The following MGAT4D variants were observed in gnomAD, a reference collection of about 807,000 sequenced individuals.
MGAT4D encodes alpha-1,3-mannosyl-glycoprotein 4-beta-N-acetylglucosaminyltransferase-like protein MGAT4D.
Under a neutral mutation model 15.9 loss-of-function variants are expected in MGAT4D, and 34 were observed. The observed-to-expected ratio is 2.14, with a 90% CI of 1.62 to 2.84. The LOEUF (loss-of-function observed/expected upper bound fraction) is 2.84. Ranked by LOEUF, MGAT4D falls within the 30% of genes most tolerant of loss-of-function variation. The pLI, the probability that MGAT4D is intolerant of heterozygous loss-of-function variation, is 0.00. For synonymous variants in MGAT4D, 112 were observed against 48.2 expected, an observed-to-expected ratio of 2.33 and a Z score of -5.49; for missense variants, 327 against 140.2, an observed-to-expected ratio of 2.33 and a Z score of -6.73.
At chr4:140,493,082 A>G (rs898530938) in intron 1 of MGAT4D, among the ~76,000 whole-genome samples, 1 of 152,088 alleles carries the variant, frequency 6.6e-6, no homozygotes, top group Non-Finnish European at 1.5e-5. Context: ...AATTCTTTTA[A>G]CTGATTAAAA....
chr4:140,466,972 A>AT (rs547511565), intron 5 of MGAT4D, among the ~76,000 whole-genome samples: 2 of 151,982 alleles, frequency 1.3e-5, no homozygotes, highest in Non-Finnish European at 2.9e-5. Flanking sequence ...GAAGTAATTT[A>AT]TTTTTTCTGA....
chr4:140,451,510 C>T lies in MGAT4D; in HGVS notation c.1016G>A (p.Cys339Tyr). The change falls in exon 10 of 11, where the codon TGT (cysteine) becomes TAT (tyrosine). Residue 339 changes from cysteine to tyrosine, a missense_variant. Transcript: ENST00000511113. ...ACGTATTTGCTTCTTTCGTTTCATA[C>T]AGTTTCTCTGGGGAAAAAGAAACAA... is the stretch of plus-strand genomic sequence containing the variant. ...VCDAGEDLRN[C>Y]MKRKKQIRIQ... The T allele has an allele frequency of 1.8e-6, 1 of 559,318 alleles. No homozygotes were observed. Among genetic ancestry groups the T allele is most frequent in the South Asian group, 2.6e-5 (1 of 38,568 alleles). The allele number at this position is 559,318 out of a possible 1,614,324, so 34.6% of individuals were successfully genotyped here.
At chr4:140,478,337 C>T (rs1456256173) in intron 3 of MGAT4D, among the ~76,000 whole-genome samples, 1 of 152,122 alleles carries the variant, frequency 6.6e-6, no homozygotes, top group Non-Finnish European at 1.5e-5. Context: ...TTTGCTGATG[C>T]TTATGCAAGG....
intron 7 of MGAT4D, among the ~76,000 whole-genome samples, chr4:140,461,513 T>C (rs1287817628): frequency 6.6e-6 from 1 of 152,184 alleles, no homozygotes; most frequent in African/African-American, 2.4e-5. Flanking sequence ...TAAAGTATTA[T>C]GAGTAAATTT....
chr4:140,491,517 G>A (rs1733500930), intron 1 of MGAT4D, among the ~76,000 whole-genome samples: 1 of 152,010 alleles, frequency 6.6e-6, no homozygotes, highest in Non-Finnish European at 1.5e-5. Flanking sequence ...CCAAGAGGGG[G>A]AACATATGAA....
chr4:140,492,157 A>G (rs1733543767), intron 1 of MGAT4D, among the ~76,000 whole-genome samples: 1 of 152,098 alleles, frequency 6.6e-6, no homozygotes, highest in African/African-American at 2.4e-5. Flanking sequence ...GGGGGGGAAA[A>G]TGTATAATAT....
rs1733821058 is a variant in MGAT4D, at chr4:140,496,125, A to G, written c.94+2004T>C. 2.0e-5 allele frequency among the ~76,000 whole-genome samples: 3 copies of G among 152,220 alleles called. No homozygotes were observed. The South Asian group carries it at 6.2e-4, about 32-fold the overall frequency. Reference sequence around the variant, plus strand: ...TAAACGTTCCCAAATTTTCACTGATAGGAATGACAACTATAGATTAAATTT... The same window carrying G: ...TAAACGTTCCCAAATTTTCACTGATGGGAATGACAACTATAGATTAAATTT... On this transcript the variant is annotated intron_variant, in intron 1 of 10. Transcript: ENST00000511113.
chr4:140,466,280 G>A (rs2126752824), intron 5 of MGAT4D, among the ~76,000 whole-genome samples: 1 of 152,276 alleles, frequency 6.6e-6, no homozygotes, highest in South Asian at 2.1e-4. Flanking sequence ...TAGTGAAGGT[G>A]AACCTAACTG....
intron 8 of MGAT4D, chr4:140,458,759 G>A (rs1292877844): frequency 1.3e-5 from 2 of 152,082 alleles, no homozygotes. Context: ...ATTTCACATG[G>A]ATATTGTATA....
chr4:140,464,130 C>A (rs1346926), intron 6 of MGAT4D, among the ~76,000 whole-genome samples: 29,442 of 152,100 alleles, frequency 0.19, 2,928 homozygotes, highest in South Asian at 0.27. Flanking sequence ...TAATTAAAAG[C>A]AAAACAAAAC....
At chr4:140,447,486 T>C (rs1465964890) in intron 10 of MGAT4D, among the ~76,000 whole-genome samples, 1 of 152,178 alleles carries the variant, frequency 6.6e-6, no homozygotes, top group African/African-American at 2.4e-5. Flanking sequence ...TTGATGTTGG[T>C]TTACAGTCTG....
intron 8 of MGAT4D, chr4:140,458,493 T>C (rs970582896): frequency 6.6e-6 from 1 of 152,148 alleles, no homozygotes; most frequent in Non-Finnish European, 1.5e-5. Flanking sequence ...CAGCTGATCA[T>C]GGGATTGTTG....
intron 1 of MGAT4D, among the ~76,000 whole-genome samples, chr4:140,496,771 A>G (rs1215843311): frequency 6.6e-6 from 1 of 152,230 alleles, no homozygotes; most frequent in Admixed American, 6.5e-5. Context: ...TGAACCTGGG[A>G]GGCACAGGTT....
intron 5 of MGAT4D, among the ~76,000 whole-genome samples, chr4:140,471,227 T>TTTCCTTCCTTCCTTCCTTCCTTCC (rs200186471): frequency 1.9e-4 from 25 of 133,684 alleles, no homozygotes; most frequent in Non-Finnish European, 3.1e-4. Context: ...CTCCTTTTTG[T>TTTCCTTCCTTCCTTCCTTCCTTCC]TTCCTTCCTT....
chr4:140,477,552 G>A (rs551301427), intron 3 of MGAT4D, among the ~76,000 whole-genome samples: 1 of 152,344 alleles, frequency 6.6e-6, no homozygotes, highest in Non-Finnish European at 1.5e-5. Context: ...ATAGGCAGTG[G>A]TTAGCACATG....
chr4:140,485,850 C>CAAAAAAAAAAAAAAAAAAAAAAAAA (rs1578712314), intron 1 of MGAT4D, among the ~76,000 whole-genome samples: 3 of 41,942 alleles, frequency 7.2e-5, no homozygotes, highest in East Asian at 6.1e-4. Flanking sequence ...AAAAAAAAAG[C>CAAAAAAAAAAAAAAAAAAAAAAAAA]AATGATGATA....
intron 1 of MGAT4D, among the ~76,000 whole-genome samples, chr4:140,494,880 C>A (rs191021331): frequency 2.0e-5 from 3 of 152,298 alleles, no homozygotes; most frequent in African/African-American, 7.2e-5. Context: ...TTACCCAACC[C>A]AAAATGTCAA....
intron 3 of MGAT4D, among the ~76,000 whole-genome samples, chr4:140,476,976 G>C (rs1732379386): frequency 6.6e-6 from 1 of 151,850 alleles, no homozygotes; most frequent in Non-Finnish European, 1.5e-5. Context: ...ACTGATACAT[G>C]GTAATGATAA....
chr4:140,465,100 C>T (rs1389472184), intron 5 of MGAT4D, 91 bp from the exon 6 acceptor site: 2 of 587,064 alleles, frequency 3.4e-6, no homozygotes, highest in Non-Finnish European at 6.1e-6. Flanking sequence ...TATGCATGGC[C>T]ACATAATATT....
Sources: allele counts gnomAD v4.1 joint callset (sites outside exome capture counted in the v4.1 genomes callset), GRCh38; gene constraint gnomAD v4.1.1; transcripts MANE v1.5; gene names NCBI Gene and HGNC (gene_info 2026-07-23, HGNC 2026-07-21).